Variants in LARP1B observed in about 807,000 individuals in gnomAD.
The protein encoded by LARP1B is La ribonucleoprotein 1B.
Under a neutral mutation model 114.2 loss-of-function variants are expected in LARP1B, and 76 were observed. The observed-to-expected ratio is 0.67, with a 90% CI of 0.55 to 0.81. LARP1B has a LOEUF of 0.81. Ranked by LOEUF, LARP1B falls within the 30% of genes least tolerant of loss-of-function variation. The pLI is 0.00. For missense variants in LARP1B, 1,014 were observed against 1,075.8 expected, an observed-to-expected ratio of 0.94 and a Z score of 0.80; for synonymous variants, 345 against 348.0, an observed-to-expected ratio of 0.99 and a Z score of 0.10.
At chr4:128,191,688 AGAG>A (rs1255420385) in intron 15 of LARP1B, among the ~76,000 whole-genome samples, 8 of 152,104 alleles carry the variant, frequency 5.3e-5, no homozygotes, top group Non-Finnish European at 1.2e-4. Flanking sequence ...GCTGAAATAA[AGAG>A]GAGAATTTCA....
chr4:128,077,966 A>C lies in LARP1B; in HGVS notation c.217+4A>C. ...TCAAGTAATCAACGTAAGAGAGGTC[A>C]GTTTGTCCATATCTTTATTTTGATT... On this transcript the variant is annotated splice_donor_region_variant and intron_variant, in intron 4 of 19. Coordinates refer to ENST00000326639, the MANE Select transcript of LARP1B (RefSeq NM_018078.4). The C allele has an allele frequency of 6.5e-7, 1 of 1,539,310 alleles. No homozygotes were observed. The highest frequency in any genetic ancestry group is 8.7e-7 in the Non-Finnish European group (1 of 1,145,370).
At chr4:128,099,154 T>C (rs1276697147) in intron 8 of LARP1B, among the ~76,000 whole-genome samples, 1 of 151,012 alleles carries the variant, frequency 6.6e-6, no homozygotes, top group Admixed American at 6.7e-5. Context: ...TCCCAGCACT[T>C]TGGGGAAAAA....
chr4:128,178,399 C>T, intron 13 of LARP1B, 32 bp from the exon 14 acceptor site: 15 of 1,468,178 alleles, frequency 1.0e-5, no homozygotes, highest in Non-Finnish European at 1.4e-5. Flanking sequence ...TTCCTAGCAT[C>T]TAAATAATTT....
intron 11 of LARP1B, chr4:128,122,543 G>A: frequency 6.5e-7 from 1 of 1,528,148 alleles, no homozygotes; most frequent in Non-Finnish European, 8.7e-7. Flanking sequence ...CTGTGGACAG[G>A]CTTAATTTAT....
intron 11 of LARP1B, among the ~76,000 whole-genome samples, chr4:128,128,900 C>T (rs978213533): frequency 2.0e-5 from 3 of 152,128 alleles, no homozygotes; most frequent in Non-Finnish European, 2.9e-5. Flanking sequence ...CGCAGTGGCT[C>T]ACGCCTGTAA....
chr4:128,222,857 C>T (rs898738972), downstream of LARP1B: 3 of 153,072 alleles, frequency 2.0e-5, no homozygotes, highest in African/African-American at 7.2e-5. Flanking sequence ...CTCGGACCAC[C>T]AGATTATCTT....
intron 8 of LARP1B, among the ~76,000 whole-genome samples, chr4:128,106,085 G>A (rs1781985093): frequency 6.6e-6 from 1 of 151,132 alleles, no homozygotes; most frequent in Admixed American, 6.6e-5. Context: ...GTCCAGTGGC[G>A]CCATCTCGGC....
At chr4:128,133,516 C>T (rs764421396) in intron 11 of LARP1B, among the ~76,000 whole-genome samples, 29 of 152,106 alleles carry the variant, frequency 1.9e-4, no homozygotes, top group Non-Finnish European at 3.1e-4. Context: ...AAAAAATTCA[C>T]GTGGAATCTC....
At chr4:128,066,090 C>T (rs780053438) in intron 1 of LARP1B, among the ~76,000 whole-genome samples, 75 of 151,806 alleles carry the variant, frequency 4.9e-4, no homozygotes, top group Non-Finnish European at 8.0e-4. Flanking sequence ...TGCCTCAGCC[C>T]CCACAAAGTG....
chr4:128,066,340 C>G (rs1214552713), intron 1 of LARP1B, among the ~76,000 whole-genome samples: 1 of 151,690 alleles, frequency 6.6e-6, no homozygotes, highest in East Asian at 1.9e-4. Context: ...CCATGCCCGG[C>G]TGATTTTTTG....
chr4:128,097,947 A>G (rs925596642), intron 7 of LARP1B, among the ~76,000 whole-genome samples: 18 of 152,212 alleles, frequency 1.2e-4, no homozygotes, highest in Admixed American at 5.9e-4. Context: ...ACTGATCTAA[A>G]TAGAAGTTAT....
intron 5 of LARP1B, among the ~76,000 whole-genome samples, chr4:128,090,453 T>C (rs2149566012): frequency 6.6e-6 from 1 of 152,340 alleles, no homozygotes; most frequent in Admixed American, 6.5e-5. Context: ...GCTTGTATTT[T>C]AGATATTTTT....
At chr4:128,209,433 A>G (rs1758495341) in intron 19 of LARP1B, among the ~76,000 whole-genome samples, 1 of 152,052 alleles carries the variant, frequency 6.6e-6, no homozygotes, top group African/African-American at 2.4e-5. Flanking sequence ...AACAAAAACA[A>G]AAAACAAGCA....
intron 8 of LARP1B, among the ~76,000 whole-genome samples, chr4:128,106,646 TTTGA>T (rs1277792852): frequency 1.3e-5 from 2 of 151,926 alleles, no homozygotes; most frequent in East Asian, 3.9e-4. Context: ...ATCTGTGATC[TTTGA>T]TTAAGTTTAT....
chr4:128,137,970 T>C (rs1039468088), intron 11 of LARP1B, among the ~76,000 whole-genome samples: 1 of 151,924 alleles, frequency 6.6e-6, no homozygotes, highest in Non-Finnish European at 1.5e-5. Context: ...GGAATATATA[T>C]TCTTAAAAGG....
At chr4:128,144,813 T>C (rs1729616198) in intron 11 of LARP1B, among the ~76,000 whole-genome samples, 1 of 152,200 alleles carries the variant, frequency 6.6e-6, no homozygotes, top group Non-Finnish European at 1.5e-5. Context: ...TGCGATTTCC[T>C]ATCTATTCAC....
chr4:128,130,355 T>C (rs1191117319), intron 11 of LARP1B, among the ~76,000 whole-genome samples: 1 of 152,122 alleles, frequency 6.6e-6, no homozygotes, highest in Non-Finnish European at 1.5e-5. Context: ...TAGACCAGTT[T>C]ATTGAAGAAA....
Position 128,200,794 on chromosome 4 carries a change from AT to A in LARP1B, c.2309+133del, listed in dbSNP as rs1035006176. ...TTAAAACTAGTACTGAAGTAGCCTG[AT>A]TTTGAACCGTGAAAGTAGCACAATA... is the stretch of plus-strand genomic sequence containing the variant. On this transcript the variant is annotated intron_variant, in intron 17 of 19. Transcript: ENST00000326639. 6.8e-5 allele frequency: 39 copies of A among 576,116 alleles called. No individual in the cohort carries two copies. The African/African-American group carries it at 7.0e-4, about 10-fold the overall frequency. The allele number at this position is 576,116 out of a possible 1,614,324, so 35.7% of individuals were successfully genotyped here.
At chr4:128,219,511 T>C (rs753734131) in intron 6 of LARP1B, among the ~76,000 whole-genome samples, 1,244 of 85,520 alleles carry the variant, frequency 0.015, 29 homozygotes, top group East Asian at 0.086. Context: ...TGGATGAAAT[T>C]GGAAACCATC....
Sources: gnomAD v4.1 joint callset for allele counts (sites outside exome capture counted in the v4.1 genomes callset) on GRCh38, gnomAD v4.1.1 for gene constraint, MANE v1.5 for transcripts, NCBI Gene and HGNC (gene_info 2026-07-23, HGNC 2026-07-21) for gene names.